LRRFIP1: variants seen among roughly 807,000 people sequenced by gnomAD.
The protein encoded by LRRFIP1 is LRR binding FLII interacting protein 1.
A neutral mutation model predicts 104.4 loss-of-function variants in LRRFIP1; 62 were observed. The ratio of observed to expected loss-of-function variants is 0.59; its 90% confidence interval spans 0.48 to 0.73. The LOEUF is 0.73. LRRFIP1 is among the 30% of genes least tolerant of loss of function. The pLI is 0.00. For synonymous variants in LRRFIP1, 300 were observed against 299.0 expected, an observed-to-expected ratio of 1.00 and a Z score of -0.03; for missense variants, 796 against 824.5, an observed-to-expected ratio of 0.97 and a Z score of 0.42.
intron 11 of LRRFIP1, among the ~76,000 whole-genome samples, chr2:237,742,903 C>T (rs910407484): frequency 5.9e-5 from 9 of 152,024 alleles, no homozygotes; most frequent in Admixed American, 5.9e-4. Context: ...TTTCAGAACC[C>T]GGGTTCAGAT....
intron 1 of LRRFIP1, among the ~76,000 whole-genome samples, chr2:237,647,268 G>A (rs193003550): frequency 5.3e-5 from 8 of 152,004 alleles, no homozygotes; most frequent in Admixed American, 3.9e-4. Context: ...CGGTGTGCAG[G>A]GCCTCTGCTT....
intron 1 of LRRFIP1, among the ~76,000 whole-genome samples, chr2:237,632,428 TG>T (rs924172025): frequency 6.6e-6 from 1 of 152,212 alleles, no homozygotes; most frequent in Admixed American, 6.5e-5. Context: ...CTGACTGGCC[TG>T]CCCCCCTCAT....
chr2:237,685,006 G>C (rs2092232651), intron 1 of LRRFIP1, among the ~76,000 whole-genome samples: 1 of 151,892 alleles, frequency 6.6e-6, no homozygotes, highest in African/African-American at 2.4e-5. Context: ...AGGATAGCTT[G>C]AGACAAGGTT....
intron 5 of LRRFIP1, 116 bp from the exon 6 acceptor site, chr2:237,720,656 C>T (rs1398687717): frequency 1.1e-5 from 9 of 832,936 alleles, no homozygotes; most frequent in African/African-American, 3.3e-5. Context: ...GGTGGCTGGC[C>T]CCCTCACTGC....
At chr2:237,696,632 A>G (rs1169676507) in intron 1 of LRRFIP1, among the ~76,000 whole-genome samples, 1 of 152,260 alleles carries the variant, frequency 6.6e-6, no homozygotes, top group Non-Finnish European at 1.5e-5. Context: ...ACTGAGGCTC[A>G]GAAAGGTCAG....
intron 1 of LRRFIP1, among the ~76,000 whole-genome samples, chr2:237,697,357 T>C (rs1040744107): frequency 2.0e-5 from 3 of 152,190 alleles, no homozygotes; most frequent in African/African-American, 7.2e-5. Flanking sequence ...AGGAAAATAA[T>C]GGTAGAAATG....
Position 237,650,361 on chromosome 2 carries a change from C to T in LRRFIP1, c.96+22621C>T, listed in dbSNP as rs191080720. 2.1e-3 allele frequency among the ~76,000 whole-genome samples: 322 copies of T among 151,960 alleles called. 2 individuals carry two copies. The highest frequency in any genetic ancestry group is 7.6e-3 in the African/African-American group (315 of 41,532). ...AGGGGAGACAGCTGGGGGCGAGACTCCCTGGGGCTGTGTAGGCAGCAGTAA... is the reference window on the plus strand; with the variant it reads ...AGGGGAGACAGCTGGGGGCGAGACTTCCTGGGGCTGTGTAGGCAGCAGTAA... On this transcript the variant is annotated intron_variant, in intron 1 of 23. Coordinates refer to ENST00000308482, the MANE Select transcript of LRRFIP1 (RefSeq NM_001137550.2).
intron 1 of LRRFIP1, chr2:237,692,461 C>G (rs1425576036): frequency 1.3e-6 from 2 of 1,528,270 alleles, no homozygotes; most frequent in Non-Finnish European, 1.8e-6. Flanking sequence ...GCAGGATGAC[C>G]AGCCCCGCGG....
chr2:237,723,640 T>G, intron 7 of LRRFIP1, 54 bp downstream of exon 7: 1 of 1,596,692 alleles, frequency 6.3e-7, no homozygotes. Flanking sequence ...GGTGTGACCA[T>G]AATAACCTGT....
At chr2:237,745,324 T>C (rs978647824) in intron 11 of LRRFIP1, among the ~76,000 whole-genome samples, 4 of 152,220 alleles carry the variant, frequency 2.6e-5, no homozygotes, top group Admixed American at 1.3e-4. Flanking sequence ...CTATGTAAAA[T>C]AGAGATAGGT....
At chr2:237,738,521 C>T (rs559321940) in intron 10 of LRRFIP1, among the ~76,000 whole-genome samples, 9 of 152,250 alleles carry the variant, frequency 5.9e-5, no homozygotes, top group East Asian at 5.8e-4. Context: ...ATCCTGCCCC[C>T]GCCCCACCAT....
chr2:237,647,556 G>T (rs2085132937), intron 1 of LRRFIP1, among the ~76,000 whole-genome samples: 1 of 152,092 alleles, frequency 6.6e-6, no homozygotes, highest in African/African-American at 2.4e-5. Context: ...GCAGAAGCGG[G>T]GTCCTGCCCT....
intron 2 of LRRFIP1, 103 bp downstream of exon 2, chr2:237,708,733 C>G (rs562654005): frequency 7.8e-7 from 1 of 1,275,616 alleles, no homozygotes; most frequent in South Asian, 1.3e-5. Context: ...CTGGCTGTCT[C>G]ACGTTGCTCA....
chr2:237,699,017 A>AG (rs1380913349), intron 1 of LRRFIP1, among the ~76,000 whole-genome samples: 1 of 152,262 alleles, frequency 6.6e-6, no homozygotes, highest in Non-Finnish European at 1.5e-5. Context: ...GAAATACTCA[A>AG]GACCAAGTAC....
chr2:237,676,833 C>T (rs1229561527), intron 1 of LRRFIP1, among the ~76,000 whole-genome samples: 1 of 152,154 alleles, frequency 6.6e-6, no homozygotes, highest in Non-Finnish European at 1.5e-5. Context: ...GAGATGTGCC[C>T]TGGTTGCCTT....
In LRRFIP1 at chr2:237,652,037, G is replaced by T. The variant is rs1055150164; in HGVS notation, c.96+24297G>T. On this transcript the variant is annotated intron_variant, in intron 1 of 23. Transcript: ENST00000308482. ...GCTTCCTGTTGTGTGGCACTGGGAGGCCCTCAGTGGTCGTCCCATGTTTAG... is the reference window on the plus strand; with the variant it reads ...GCTTCCTGTTGTGTGGCACTGGGAGTCCCTCAGTGGTCGTCCCATGTTTAG... Among the ~76,000 whole-genome samples the T allele has an allele frequency of 5.9e-5, 9 of 152,210 alleles. No individual in the cohort carries two copies. In the East Asian group the frequency reaches 9.6e-4, roughly 16 times the overall value.
chr2:237,707,846 G>A (rs551179195), intron 1 of LRRFIP1, among the ~76,000 whole-genome samples: 1 of 152,192 alleles, frequency 6.6e-6, no homozygotes, highest in Non-Finnish European at 1.5e-5. Flanking sequence ...TTTTTTTAGT[G>A]CAAGGAAGGA....
chr2:237,650,449 G>T (rs2085741896), intron 1 of LRRFIP1, among the ~76,000 whole-genome samples: 2 of 152,092 alleles, frequency 1.3e-5, no homozygotes, highest in Admixed American at 6.5e-5. Context: ...AAACCTGGCT[G>T]CTCTGGCCTG....
intron 19 of LRRFIP1, chr2:237,765,049 G>T: frequency 2.4e-6 from 2 of 833,944 alleles, no homozygotes; most frequent in Non-Finnish European, 2.9e-6. Flanking sequence ...ATCACCTGAG[G>T]TCAAGAGTTC....
Sources: allele counts gnomAD v4.1 joint callset (sites outside exome capture counted in the v4.1 genomes callset), GRCh38; gene constraint gnomAD v4.1.1; transcripts MANE v1.5; gene names NCBI Gene and HGNC (gene_info 2026-07-23, HGNC 2026-07-21).